The following FBXL7 variants were observed in gnomAD, a reference collection of about 807,000 sequenced individuals.
The protein encoded by FBXL7 is F-box/LRR-repeat protein 7.
In FBXL7, 12 loss-of-function variants were observed where a neutral mutation model predicts 38.3. The observed-to-expected ratio is 0.31, with a 90% CI of 0.20 to 0.51. The LOEUF (loss-of-function observed/expected upper bound fraction) is 0.51. Among genes scored for constraint, FBXL7 ranks in the 20% least tolerant of loss-of-function variants. The pLI, the probability that FBXL7 is intolerant of heterozygous loss-of-function variation, is 0.98. For missense variants in FBXL7, 567 were observed against 676.4 expected (o/e 0.84, Z 1.79); for synonymous variants, 297 against 300.9 (o/e 0.99, Z 0.13).
chr5:15,606,227 C>T (rs1740009706), intron 1 of FBXL7, among the ~76,000 whole-genome samples: 1 of 152,046 alleles, frequency 6.6e-6, no homozygotes, highest in South Asian at 2.1e-4. Flanking sequence ...GACCCGTTAT[C>T]CTAGAAGGCC....
At chr5:15,898,238 A>G (rs930311166) in intron 2 of FBXL7, among the ~76,000 whole-genome samples, 1 of 152,244 alleles carries the variant, frequency 6.6e-6, no homozygotes, top group African/African-American at 2.4e-5. Context: ...TTGTTCAGCC[A>G]GCAACTATCC....
chr5:15,720,074 C>T (rs1744152242), intron 2 of FBXL7, among the ~76,000 whole-genome samples: 1 of 149,024 alleles, frequency 6.7e-6, no homozygotes, highest in African/African-American at 2.4e-5. Flanking sequence ...GCCACAATTG[C>T]CTGCATGTCT....
At chr5:15,503,037 G>A (rs988079336) in intron 1 of FBXL7, among the ~76,000 whole-genome samples, 1 of 152,148 alleles carries the variant, frequency 6.6e-6, no homozygotes, top group African/African-American at 2.4e-5. Context: ...GGCTTGAGAA[G>A]TACTCTGTAC....
At chr5:15,654,370 G>T (rs1127792) in intron 2 of FBXL7, among the ~76,000 whole-genome samples, 15,184 of 150,022 alleles carry the variant, frequency 0.1, 832 homozygotes, top group Middle Eastern at 0.16. Flanking sequence ...AAAGAAGAGG[G>T]ATGGTCTGCC....
intron 2 of FBXL7, among the ~76,000 whole-genome samples, chr5:15,801,809 A>G (rs1036389730): frequency 6.6e-6 from 1 of 151,422 alleles, no homozygotes; most frequent in African/African-American, 2.4e-5. Flanking sequence ...AATAGTCCAC[A>G]ATAATAATTT....
intron 1 of FBXL7, among the ~76,000 whole-genome samples, chr5:15,555,305 A>G (rs1738197924): frequency 6.6e-6 from 1 of 152,192 alleles, no homozygotes; most frequent in South Asian, 2.1e-4. Context: ...TTAGAAATCA[A>G]AGGCCTGTGT....
intron 2 of FBXL7, among the ~76,000 whole-genome samples, chr5:15,677,992 G>T (rs748700022): frequency 6.6e-6 from 1 of 152,134 alleles, no homozygotes; most frequent in Non-Finnish European, 1.5e-5. Flanking sequence ...CAACTTCTCT[G>T]CAATGTCTTG....
At chr5:15,637,780 A>T (rs773894518) in intron 2 of FBXL7, among the ~76,000 whole-genome samples, 1 of 152,234 alleles carries the variant, frequency 6.6e-6, no homozygotes, top group Non-Finnish European at 1.5e-5. Flanking sequence ...CTAAGGCATC[A>T]TTCTCTGGAC....
At chr5:15,824,140 A>G (rs924684341) in intron 2 of FBXL7, among the ~76,000 whole-genome samples, 1 of 151,656 alleles carries the variant, frequency 6.6e-6, no homozygotes, top group Admixed American at 6.6e-5. Context: ...TACTAAAAAT[A>G]TAAAAATTAG....
intron 2 of FBXL7, among the ~76,000 whole-genome samples, chr5:15,786,733 T>C (rs1451274653): frequency 1.3e-5 from 2 of 152,226 alleles, no homozygotes; most frequent in African/African-American, 2.4e-5. Context: ...TTACTTAGTA[T>C]GTATAATACG....
intron 2 of FBXL7, among the ~76,000 whole-genome samples, chr5:15,793,332 C>T (rs114675816): frequency 0.017 from 2,536 of 152,276 alleles, 53 homozygotes; most frequent in African/African-American, 0.041. Context: ...GAGACTCCCT[C>T]GCATCTCCCA....
chr5:15,528,210 C>G (rs1039395808), intron 1 of FBXL7, among the ~76,000 whole-genome samples: 1 of 152,172 alleles, frequency 6.6e-6, no homozygotes, highest in Non-Finnish European at 1.5e-5. Context: ...CTAAGATTAT[C>G]TACAGGGAAA....
intron 1 of FBXL7, among the ~76,000 whole-genome samples, chr5:15,542,953 G>A (rs1291330813): frequency 7.9e-5 from 12 of 152,170 alleles, no homozygotes; most frequent in Admixed American, 7.2e-4. Context: ...AGGGAATGGG[G>A]TGATCTACCA....
intron 2 of FBXL7, among the ~76,000 whole-genome samples, chr5:15,919,178 G>T (rs1265170151): frequency 6.6e-6 from 1 of 152,138 alleles, no homozygotes; most frequent in Non-Finnish European, 1.5e-5. Context: ...GGTAATCAGA[G>T]GGGGAAGATG....
rs1023617849 is a variant in FBXL7 at position 15,500,589 on chromosome 5, T to G, written c.-88T>G. Reference sequence around the variant, plus strand: ...GGGGGATGTGCAGCTAACGGTCCCGTCGGGCGGGCTTTCCTCGGGCCGAGC... The same window carrying G: ...GGGGGATGTGCAGCTAACGGTCCCGGCGGGCGGGCTTTCCTCGGGCCGAGC... On this transcript the variant is annotated 5_prime_UTR_variant, in exon 1 of 4. Transcript: ENST00000504595. The G allele has an allele frequency of 5.1e-6, 8 of 1,582,274 alleles. No homozygotes were observed. The African/African-American group carries it at 9.4e-5, about 19-fold the overall frequency.
chr5:15,933,683 T>C (rs992996271), intron 3 of FBXL7, among the ~76,000 whole-genome samples: 4 of 152,186 alleles, frequency 2.6e-5, no homozygotes, highest in East Asian at 1.9e-4. Context: ...TTCTTTGACT[T>C]AGTAGCACGT....
chr5:15,900,777 T>C (rs1741215599), intron 2 of FBXL7, among the ~76,000 whole-genome samples: 1 of 152,244 alleles, frequency 6.6e-6, no homozygotes, highest in Non-Finnish European at 1.5e-5. Context: ...AAGAAAATCA[T>C]TGCTACTCCA....
rs1180063667 is a variant in FBXL7, at chr5:15,887,809, A to G, written c.128-40081A>G. ...TTGGCTGTGCATTAGTATATGTGAA[A>G]CTCTTTTAAATACATATGTGTTGTT... On this transcript the variant is annotated intron_variant, in intron 2 of 3. Transcript: ENST00000504595. Among the ~76,000 whole-genome samples the G allele has an allele frequency of 1.2e-4, 18 of 152,090 alleles. 1 individual carries two copies. Among genetic ancestry groups the G allele is most frequent in the Admixed American group, 1.2e-3 (18 of 15,262 alleles).
At chr5:15,790,119 C>T (rs1737235960) in intron 2 of FBXL7, among the ~76,000 whole-genome samples, 1 of 152,166 alleles carries the variant, frequency 6.6e-6, no homozygotes, top group Admixed American at 6.5e-5. Flanking sequence ...AGTATACAAC[C>T]TGATTTCAAA....
Sources: gnomAD v4.1 joint callset for allele counts (sites outside exome capture counted in the v4.1 genomes callset) on GRCh38, gnomAD v4.1.1 for gene constraint, MANE v1.5 for transcripts, NCBI Gene and HGNC (gene_info 2026-07-23, HGNC 2026-07-21) for gene names.